DENND2A: variants seen among roughly 807,000 people sequenced by gnomAD.
The protein encoded by DENND2A is DENN domain containing 2A.
A neutral mutation model predicts 105.3 loss-of-function variants in DENND2A; 53 were observed. The observed-to-expected ratio is 0.50, with a 90% confidence interval of 0.40 to 0.63. The LOEUF (loss-of-function observed/expected upper bound fraction) is 0.63, where lower values mean the gene tolerates loss of function less well. Ranked by LOEUF, DENND2A falls within the 30% of genes least tolerant of loss-of-function variation. DENND2A has a pLI of 0.00. For missense variants in DENND2A, 1,138 were observed against 1,279.6 expected, an observed-to-expected ratio of 0.89 and a Z score of 1.69; for synonymous variants, 522 against 508.4, an observed-to-expected ratio of 1.03 and a Z score of -0.36.
chr7:140,551,468 A>T (rs1305628118), intron 12 of DENND2A, among the ~76,000 whole-genome samples: 1 of 152,002 alleles, frequency 6.6e-6, no homozygotes, highest in Non-Finnish European at 1.5e-5. Flanking sequence ...TTGCCACGAG[A>T]AGAGCACATG....
At chr7:140,583,736 T>TG (rs1798646397) in intron 5 of DENND2A, among the ~76,000 whole-genome samples, 2 of 147,084 alleles carry the variant, frequency 1.4e-5, no homozygotes, top group Non-Finnish European at 3.0e-5. Context: ...GAGACCATCC[T>TG]GTGAATGGTG....
chr7:140,584,349 A>G (rs1293920167), intron 5 of DENND2A, among the ~76,000 whole-genome samples: 1 of 152,244 alleles, frequency 6.6e-6, no homozygotes, highest in Non-Finnish European at 1.5e-5. Flanking sequence ...GGCCACTCTC[A>G]GTAGTTACAA....
intron 7 of DENND2A, 74 bp from the exon 8 acceptor site, chr7:140,568,887 G>T: frequency 6.9e-7 from 1 of 1,443,290 alleles, no homozygotes; most frequent in Non-Finnish European, 9.7e-7. Flanking sequence ...CTATGTGGTA[G>T]CACAGATCAA....
At chr7:140,578,788 C>A (rs564737028) in intron 5 of DENND2A, among the ~76,000 whole-genome samples, 22 of 152,286 alleles carry the variant, frequency 1.4e-4, no homozygotes, top group Non-Finnish European at 2.8e-4. Flanking sequence ...ACAGGAGAAT[C>A]GCTTGAACCC....
At chr7:140,633,768 G>A (rs370646042) in intron 1 of DENND2A, among the ~76,000 whole-genome samples, 1 of 151,948 alleles carries the variant, frequency 6.6e-6, no homozygotes, top group East Asian at 1.9e-4. Flanking sequence ...GGGACAACAC[G>A]GAAGACAATC....
At chr7:140,531,730 G>A (rs538656228) in intron 14 of DENND2A, among the ~76,000 whole-genome samples, 4 of 151,700 alleles carry the variant, frequency 2.6e-5, no homozygotes, top group Non-Finnish European at 2.9e-5. Flanking sequence ...CAGGAGAATC[G>A]CTTGAACCCA....
At chr7:140,624,750 G>A (rs899238535) in intron 1 of DENND2A, among the ~76,000 whole-genome samples, 2 of 151,666 alleles carry the variant, frequency 1.3e-5, no homozygotes, top group Non-Finnish European at 2.9e-5. Context: ...GAAACCCAGA[G>A]AGATTTGTGA....
chr7:140,629,053 A>G (rs968561127), intron 1 of DENND2A, among the ~76,000 whole-genome samples: 1 of 152,188 alleles, frequency 6.6e-6, no homozygotes, highest in African/African-American at 2.4e-5. Flanking sequence ...ACGGAAAGAC[A>G]AGGTTGGTTC....
chr7:140,548,864 C>G (rs887778831), intron 12 of DENND2A, among the ~76,000 whole-genome samples: 1 of 151,826 alleles, frequency 6.6e-6, no homozygotes, highest in Non-Finnish European at 1.5e-5. Context: ...CCACCCACCT[C>G]GGCTTCCCAG....
At chr7:140,611,871 G>A (rs1315938340) in intron 1 of DENND2A, among the ~76,000 whole-genome samples, 2 of 152,162 alleles carry the variant, frequency 1.3e-5, no homozygotes, top group Non-Finnish European at 2.9e-5. Flanking sequence ...TGATAGAAAT[G>A]TCCTAAAATT....
At chr7:140,571,220 G>A (rs144545807) in intron 6 of DENND2A, among the ~76,000 whole-genome samples, 3,565 of 152,160 alleles carry the variant, frequency 0.023, 150 homozygotes, top group African/African-American at 0.081. Flanking sequence ...GTGCAGTGGC[G>A]TGATCTTGGC....
chr7:140,591,915 T>C (rs1169469394), intron 3 of DENND2A, among the ~76,000 whole-genome samples: 1 of 81,798 alleles, frequency 1.2e-5, no homozygotes, highest in Non-Finnish European at 2.3e-5. Context: ...TCTCTCTTTC[T>C]CCTCCCTTCC....
intron 19 of DENND2A, among the ~76,000 whole-genome samples, chr7:140,519,317 G>T (rs552990752): frequency 6.6e-6 from 1 of 152,272 alleles, no homozygotes; most frequent in African/African-American, 2.4e-5. Context: ...CTTGCCAGAC[G>T]TCCTTGTCTG....
chr7:140,626,294 C>T (rs937075895), intron 1 of DENND2A, among the ~76,000 whole-genome samples: 12 of 152,246 alleles, frequency 7.9e-5, no homozygotes, highest in African/African-American at 2.7e-4. Context: ...CCCTGCCTGG[C>T]CAGATCCTCC....
At chr7:140,547,545 A>T (rs1796956380) in intron 12 of DENND2A, among the ~76,000 whole-genome samples, 1 of 152,228 alleles carries the variant, frequency 6.6e-6, no homozygotes, top group South Asian at 2.1e-4. Flanking sequence ...AATGTAAAAT[A>T]GTGAAGCTAC....
At chr7:140,639,432 C>T (rs1363176210) in intron 1 of DENND2A, among the ~76,000 whole-genome samples, 2 of 151,036 alleles carry the variant, frequency 1.3e-5, no homozygotes, top group Non-Finnish European at 2.9e-5. Flanking sequence ...CCTCAGAAAC[C>T]GTCTCTGACA....
At chr7:140,603,237 G>A (rs1204264603) in intron 2 of DENND2A, among the ~76,000 whole-genome samples, 1 of 151,926 alleles carries the variant, frequency 6.6e-6, no homozygotes, top group Non-Finnish European at 1.5e-5. Flanking sequence ...AGTAAACTTA[G>A]ATTGCACCAC....
intron 14 of DENND2A, among the ~76,000 whole-genome samples, chr7:140,543,127 T>TTTC (rs1563128098): frequency 2.0e-4 from 29 of 145,262 alleles, no homozygotes; most frequent in African/African-American, 6.7e-4. Flanking sequence ...TTTTCTTTTT[T>TTTC]TTTTTTTTTT....
In DENND2A at chr7:140,544,603, A is replaced by T; in HGVS notation, c.2327+15T>A. The T allele has an allele frequency of 1.2e-6, 2 of 1,614,138 alleles. No individual in the cohort carries two copies. The highest frequency in any genetic ancestry group is 2.2e-5 in the South Asian group (2 of 91,068). The stretch of plus-strand genomic sequence containing the variant: ...GTCATTCAAACGCTTTAGCAGAAGT[A>T]GCCAAGGCGGGTACCTGAGCTTGTC... On this transcript the variant is annotated intron_variant, in intron 14 of 19. Transcript: ENST00000496613.
Sources: allele counts gnomAD v4.1 joint callset (sites outside exome capture counted in the v4.1 genomes callset), GRCh38; gene constraint gnomAD v4.1.1; transcripts MANE v1.5; gene names NCBI Gene and HGNC (gene_info 2026-07-23, HGNC 2026-07-21).